Variants in AGAP1 observed in about 807,000 individuals in gnomAD.
AGAP1 encodes arf-GAP with GTPase, ANK repeat and PH domain-containing protein 1.
AGAP1 carries 29 observed loss-of-function variants against 105.3 expected under a neutral mutation model. The observed-to-expected ratio is 0.28, with a 90% CI of 0.21 to 0.38. The LOEUF (loss-of-function observed/expected upper bound fraction) is 0.38, where lower values mean the gene tolerates loss of function less well. AGAP1 is among the 10% of genes least tolerant of loss of function. The probability of loss-of-function intolerance (pLI) is 1.00; values close to 1 mark genes in which losing one functional copy is unlikely to be tolerated. For synonymous variants in AGAP1, 509 were observed against 485.9 expected, an observed-to-expected ratio of 1.05 and a Z score of -0.63; for missense variants, 998 against 1,165.1, an observed-to-expected ratio of 0.86 and a Z score of 2.09.
rs1271271309 is a variant in AGAP1, at chr2:235,601,853, T to C, written c.163+107004T>C. Among the ~76,000 whole-genome samples the C allele has an allele frequency of 6.6e-6, 1 of 152,176 alleles. No individual in the cohort carries two copies. The highest frequency in any genetic ancestry group is 1.5e-5 in the Non-Finnish European group (1 of 68,020). On this transcript the variant is annotated intron_variant, in intron 1 of 17. Transcript: ENST00000304032. This position sits in a 1 kb window ranked among gnomAD's most constrained non-coding sequence, Gnocchi z 4.4. ...CCCTGTTTTTCTGGTACAGTCACAC[T>C]GGAGGTTCAACACAATCCAGCCACC...
At position 235,535,949 on chromosome 2, in the gene AGAP1, C is replaced by T. The variant is rs1387723784; in HGVS notation, c.163+41100C>T. Among the ~76,000 whole-genome samples the T allele has an allele frequency of 4.6e-5, 7 of 151,942 alleles. No homozygotes were observed. The highest frequency in any genetic ancestry group is 1.2e-4 in the African/African-American group (5 of 41,342). ...CTTGGCTGGTGGACGTAAGGCCCCT[C>T]GCCCCATCTGCTTCCTGCTCTCCCA... On this transcript the variant is annotated intron_variant, in intron 1 of 17. Coordinates refer to ENST00000304032, the MANE Select transcript of AGAP1 (RefSeq NM_001037131.3). The surrounding 1 kb of genome is among the most constrained non-coding windows in gnomAD (Gnocchi z 5.1).
rs1331134751 is a variant in AGAP1 at position 236,003,802 on chromosome 2, G to T, written c.1646-32759G>T. Reference sequence around the variant, plus strand: ...GTCCTACCACTTTTTTTTTTTTCTGGAAGTTTGCATGTCCTACACTATCTA... The same window carrying T: ...GTCCTACCACTTTTTTTTTTTTCTGTAAGTTTGCATGTCCTACACTATCTA... On this transcript the variant is annotated intron_variant, in intron 13 of 17. Transcript: ENST00000304032. This position sits in a 1 kb window ranked among gnomAD's most constrained non-coding sequence, Gnocchi z 4.2. Among the ~76,000 whole-genome samples the T allele has an allele frequency of 1.3e-5, 2 of 151,206 alleles. No homozygotes were observed. Among genetic ancestry groups the T allele is most frequent in the African/African-American group, 4.9e-5 (2 of 41,134 alleles).
In AGAP1 at chr2:235,959,612, A is replaced by T. The variant is rs532290151; in HGVS notation, c.1484-8850A>T. 2.6e-5 allele frequency among the ~76,000 whole-genome samples: 4 copies of T among 152,010 alleles called. No individual in the cohort carries two copies. The highest frequency in any genetic ancestry group is 2.0e-4 in the Admixed American group (3 of 15,272). ...TCACTGGTCTTGAGTCCCAGGTGAC[A>T]CTTCCTGCCCGACTTCTGTCTCCTG... is the stretch of plus-strand genomic sequence containing the variant. On this transcript the variant is annotated intron_variant, in intron 12 of 17. Coordinates refer to ENST00000304032, the MANE Select transcript of AGAP1 (RefSeq NM_001037131.3). The surrounding 1 kb of genome is among the most constrained non-coding windows in gnomAD (Gnocchi z 7.3).
In AGAP1 at chr2:236,009,057, C is replaced by T. The variant is rs1322151025; in HGVS notation, c.1646-27504C>T. On this transcript the variant is annotated intron_variant, in intron 13 of 17. Coordinates refer to ENST00000304032, the MANE Select transcript of AGAP1 (RefSeq NM_001037131.3). This position sits in a 1 kb window ranked among gnomAD's most constrained non-coding sequence, Gnocchi z 4.2. ...TCAAAGGCCCTTTGAACTGATGTTT[C>T]AACATGACTCCTTCTCTGTGAGCTC... 6.6e-6 allele frequency among the ~76,000 whole-genome samples: 1 copy of T among 152,268 alleles called. No individual in the cohort carries two copies. Among genetic ancestry groups the T allele is most frequent in the Middle Eastern group, 3.4e-3 (1 of 294 alleles).
At chr2:235,772,188 CAG>C (rs147057695) in intron 6 of AGAP1, among the ~76,000 whole-genome samples, 4,655 of 151,962 alleles carry the variant, frequency 0.031, 234 homozygotes, top group African/African-American at 0.1. Flanking sequence ...TTAGTAGAGA[CAG>C]GGATGTCGGC....
At chr2:235,760,616 C>T (rs1954358730) in intron 6 of AGAP1, among the ~76,000 whole-genome samples, 1 of 152,262 alleles carries the variant, frequency 6.6e-6, no homozygotes, top group East Asian at 1.9e-4. Context: ...GACAGGATCT[C>T]GATCTGTCAC....
At position 236,096,727 on chromosome 2, in the gene AGAP1, C is replaced by T. The variant is rs993211333; in HGVS notation, c.2115-23465C>T. 6.6e-6 allele frequency among the ~76,000 whole-genome samples: 1 copy of T among 151,508 alleles called. No individual in the cohort carries two copies. Among genetic ancestry groups the T allele is most frequent in the Non-Finnish European group, 1.5e-5 (1 of 67,906 alleles). On this transcript the variant is annotated intron_variant, in intron 16 of 17. Coordinates refer to ENST00000304032, the MANE Select transcript of AGAP1 (RefSeq NM_001037131.3). This position sits in a 1 kb window ranked among gnomAD's most constrained non-coding sequence, Gnocchi z 4.4. ...CTGAGTAGCTGGGATTACAGGTGCC[C>T]ACCACCACACCCAGCTAATTTTTTG... is the stretch of plus-strand genomic sequence containing the variant.
At chr2:236,122,624 C>T (rs554188382) in intron 17 of AGAP1, among the ~76,000 whole-genome samples, 44 of 152,016 alleles carry the variant, frequency 2.9e-4, no homozygotes, top group Admixed American at 5.2e-4. Flanking sequence ...AATCACAGAT[C>T]CTAAGAAAGA....
chr2:235,879,188 G>A lies in AGAP1; in HGVS notation c.1051-4157G>A, dbSNP rs970568705. Among the ~76,000 whole-genome samples, 6 of 152,160 alleles carry A rather than the reference G, an allele frequency of 3.9e-5. No individual in the cohort carries two copies. The highest frequency in any genetic ancestry group is 1.9e-4 in the East Asian group (1 of 5,180). On this transcript the variant is annotated intron_variant, in intron 9 of 17. Transcript: ENST00000304032. The surrounding 1 kb of genome is among the most constrained non-coding windows in gnomAD (Gnocchi z 5.0). ...AGGGAGCCATGGCTTCCATAACTTC[G>A]CTGCCCCTGACTTGTTCCTTTGGGG...
At chr2:235,726,566 C>G (rs944692313) in intron 3 of AGAP1, among the ~76,000 whole-genome samples, 3 of 152,176 alleles carry the variant, frequency 2.0e-5, no homozygotes, top group East Asian at 1.9e-4. Flanking sequence ...CACACACTTT[C>G]ACCTGTGTTC....
chr2:235,956,774 G>A (rs772949094), intron 12 of AGAP1, among the ~76,000 whole-genome samples: 37 of 152,178 alleles, frequency 2.4e-4, no homozygotes, highest in Non-Finnish European at 4.4e-4. Flanking sequence ...ATCCTGGTAG[G>A]TGGCTGGAGG....
chr2:235,755,240 C>T (rs1953823227), intron 6 of AGAP1, among the ~76,000 whole-genome samples: 1 of 152,186 alleles, frequency 6.6e-6, no homozygotes, highest in Non-Finnish European at 1.5e-5. Flanking sequence ...CTCTGTTTGC[C>T]TCTTCCTGCA....
intron 1 of AGAP1, among the ~76,000 whole-genome samples, chr2:235,694,685 C>G (rs1352484212): frequency 2.0e-5 from 3 of 152,092 alleles, no homozygotes; most frequent in African/African-American, 7.2e-5. Context: ...AAGCTGCTAC[C>G]TTCCCAAGGA....
At chr2:236,103,290 G>C (rs1480089307) in intron 16 of AGAP1, among the ~76,000 whole-genome samples, 1 of 152,162 alleles carries the variant, frequency 6.6e-6, no homozygotes, top group Non-Finnish European at 1.5e-5. Context: ...AAGCTCTGCT[G>C]TTTCTAAAGG....
chr2:236,094,923 CAAAAAAAAAAAAAA>C (rs59126473), intron 16 of AGAP1, among the ~76,000 whole-genome samples: 2 of 37,770 alleles, frequency 5.3e-5, no homozygotes, highest in South Asian at 1.1e-3. Flanking sequence ...CCCATCTCTA[CAAAAAAAAAAAAAA>C]AAAAAAAAAA....
At chr2:235,520,903 C>A (rs1023906807) in intron 1 of AGAP1, among the ~76,000 whole-genome samples, 2 of 152,118 alleles carry the variant, frequency 1.3e-5, no homozygotes, top group Admixed American at 6.5e-5. Context: ...CCATCTTCTG[C>A]GTGTGGAAGC....
Position 236,046,857 on chromosome 2 carries a change from G to A in AGAP1, c.1892-2202G>A, listed in dbSNP as rs561088559. Among the ~76,000 whole-genome samples, 123 of 152,322 alleles carry A rather than the reference G, an allele frequency of 8.1e-4. No homozygotes were observed. Among genetic ancestry groups the A allele is most frequent in the African/African-American group, 2.9e-3 (119 of 41,576 alleles). ...GGTATCAGAAGTTAGCACTGGCCCA[G>A]CACAGTGGCTCATGCCTGTAATCCC... On this transcript the variant is annotated intron_variant, in intron 15 of 17. Transcript: ENST00000304032. This position sits in a 1 kb window ranked among gnomAD's most constrained non-coding sequence, Gnocchi z 5.2.
Position 235,709,222 on chromosome 2 carries a change from C to T in AGAP1, c.207C>T (p.Val69=), listed in dbSNP as rs774000052. The change falls in exon 2 of 18, where the codon GTC becomes GTT. Residue 69 remains valine, a synonymous_variant. Transcript: ENST00000304032. The stretch of plus-strand genomic sequence containing the variant: ...AGGAATGGACGCTGAGTCGATCTGT[C>T]CCGGAGCTCAAAGTGGTGAGTGGTT... ...NSQEWTLSRS[V]PELKVGIVGN... The T allele has an allele frequency of 1.2e-6, 2 of 1,614,086 alleles. No individual in the cohort carries two copies. Among genetic ancestry groups the T allele is most frequent in the Admixed American group, 3.3e-5 (2 of 60,014 alleles).
At position 236,062,238 on chromosome 2, in the gene AGAP1, G is replaced by A. The variant is rs1183665874; in HGVS notation, c.2114+12957G>A. Among the ~76,000 whole-genome samples, 1 of 152,126 alleles carries A rather than the reference G, an allele frequency of 6.6e-6. No individual in the cohort carries two copies. The highest frequency in any genetic ancestry group is 1.5e-5 in the Non-Finnish European group (1 of 68,026). ...TGACAAGCCCTGCCTCTTGGAATCC[G>A]CACAGCAAACCAATGCCATTCTTTC... is the stretch of plus-strand genomic sequence containing the variant. On this transcript the variant is annotated intron_variant, in intron 16 of 17. Coordinates refer to ENST00000304032, the MANE Select transcript of AGAP1 (RefSeq NM_001037131.3). This position sits in a 1 kb window ranked among gnomAD's most constrained non-coding sequence, Gnocchi z 4.2.
Sources: allele counts gnomAD v4.1 joint callset (sites outside exome capture counted in the v4.1 genomes callset), GRCh38; gene constraint gnomAD v4.1.1; non-coding constraint Gnocchi (gnomAD v3.1); transcripts MANE v1.5; gene names NCBI Gene and HGNC (gene_info 2026-07-23, HGNC 2026-07-21).